Variants in DOCK7 observed in about 807,000 individuals in gnomAD.
DOCK7 encodes dedicator of cytokinesis protein 7.
A neutral mutation model predicts 271.0 loss-of-function variants in DOCK7; 138 were observed. The observed-to-expected ratio is 0.51, with a 90% CI of 0.44 to 0.59. The LOEUF (loss-of-function observed/expected upper bound fraction) is 0.59, where lower values mean the gene tolerates loss of function less well. Ranked by LOEUF, DOCK7 falls within the 20% of genes least tolerant of loss-of-function variation. The probability of loss-of-function intolerance (pLI) is 0.00; values close to 1 mark genes in which losing one functional copy is unlikely to be tolerated. For missense variants in DOCK7, 2,066 were observed against 2,592.4 expected, an observed-to-expected ratio of 0.80 and a Z score of 4.41; for synonymous variants, 823 against 876.1, an observed-to-expected ratio of 0.94 and a Z score of 1.07.
At chr1:62,650,868 A>G (rs1571903561) in intron 4 of DOCK7, among the ~76,000 whole-genome samples, 1 of 152,224 alleles carries the variant, frequency 6.6e-6, no homozygotes, top group Non-Finnish European at 1.5e-5. Context: ...TAGTTCAACC[A>G]CTGTGGAAGA....
intron 2 of DOCK7, among the ~76,000 whole-genome samples, chr1:62,661,074 G>A (rs1658604835): frequency 6.8e-6 from 1 of 147,112 alleles, no homozygotes; most frequent in Non-Finnish European, 1.5e-5. Context: ...ACTCAGCCTC[G>A]ATGATAAAGC....
At chr1:62,642,529 C>T (rs1208444384) in intron 7 of DOCK7, among the ~76,000 whole-genome samples, 3 of 152,074 alleles carry the variant, frequency 2.0e-5, no homozygotes, top group Non-Finnish European at 2.9e-5. Context: ...TTAATGGTTA[C>T]TCAAGAACTT....
At chr1:62,472,096 T>G (rs892871493) in intron 48 of DOCK7, among the ~76,000 whole-genome samples, 5 of 151,590 alleles carry the variant, frequency 3.3e-5, no homozygotes, top group African/African-American at 1.2e-4. Context: ...TGTTATTTCG[T>G]TTTTTTTGTT....
In DOCK7 at chr1:62,636,603, C is replaced by T. The variant is rs775993247; in HGVS notation, c.819G>A (p.Lys273=). 1 of 1,591,012 alleles carries T rather than the reference C, an allele frequency of 6.3e-7. No homozygotes were observed. The highest frequency in any genetic ancestry group is 2.3e-5 in the East Asian group (1 of 44,348). Reference sequence around the variant, plus strand: ...AAATGGGTTCAATTTCAATTTCAAACCTTTATGAAGAAAAAGGATAAAATA... The same window carrying T: ...AAATGGGTTCAATTTCAATTTCAAATCTTTATGAAGAAAAAGGATAAAATA... ...QRLLVKCLSL[K]FEIEIEPIFA... The change falls in exon 8 of 50, where the codon AAG becomes AAA. Residue 273 remains lysine, a splice_region_variant and synonymous_variant. Coordinates refer to ENST00000635253, the MANE Select transcript of DOCK7 (RefSeq NM_001367561.1).
At chr1:62,485,273 G>A (rs1015997968) in intron 43 of DOCK7, 11 of 985,174 alleles carry the variant, frequency 1.1e-5, no homozygotes, top group East Asian at 2.3e-4. Flanking sequence ...CATGACTCCC[G>A]AAAGGTTCAT....
At chr1:62,482,947 T>C (rs1325002901) in intron 43 of DOCK7, 1 of 152,128 alleles carries the variant, frequency 6.6e-6, no homozygotes, top group Non-Finnish European at 1.5e-5. Flanking sequence ...CCATTTTATG[T>C]CCCAGTCCGA....
At chr1:62,585,502 T>C (rs930325092) in intron 15 of DOCK7, among the ~76,000 whole-genome samples, 8 of 152,152 alleles carry the variant, frequency 5.3e-5, no homozygotes, top group Non-Finnish European at 1.0e-4. Flanking sequence ...TTGCATTTAT[T>C]AGTGTCCCAC....
intron 18 of DOCK7, among the ~76,000 whole-genome samples, chr1:62,571,777 T>C (rs1373979324): frequency 6.6e-6 from 1 of 152,136 alleles, no homozygotes; most frequent in Non-Finnish European, 1.5e-5. Flanking sequence ...CTGGAAGCCA[T>C]TATCCTGAAC....
chr1:62,674,314 C>A (rs947677779), intron 1 of DOCK7, among the ~76,000 whole-genome samples: 1 of 152,132 alleles, frequency 6.6e-6, no homozygotes, highest in African/African-American at 2.4e-5. Flanking sequence ...AATAGACCCC[C>A]CCCACCAACC....
chr1:62,594,411 C>A (rs769034917), intron 14 of DOCK7, among the ~76,000 whole-genome samples: 2 of 151,922 alleles, frequency 1.3e-5, no homozygotes, highest in Non-Finnish European at 2.9e-5. Context: ...ATACTAGAAA[C>A]CAAGACTACG....
chr1:62,477,910 T>A, intron 43 of DOCK7, 85 bp from the exon 44 acceptor site: 1 of 1,404,648 alleles, frequency 7.1e-7, no homozygotes, highest in South Asian at 1.8e-5. Context: ...TGTTACAGCA[T>A]AAAATTTCCA....
intron 37 of DOCK7, among the ~76,000 whole-genome samples, chr1:62,500,380 TGAA>T (rs1646746840): frequency 6.6e-6 from 1 of 151,418 alleles, no homozygotes; most frequent in African/African-American, 2.4e-5. Flanking sequence ...AAAACAGAAA[TGAA>T]GATGAAATTT....
intron 16 of DOCK7, among the ~76,000 whole-genome samples, chr1:62,580,704 G>A (rs1364994519): frequency 6.6e-6 from 1 of 151,968 alleles, no homozygotes; most frequent in Non-Finnish European, 1.5e-5. Flanking sequence ...CAAAAACTAG[G>A]CAACAGCAGG....
chr1:62,532,207 G>A (rs1296403788), intron 29 of DOCK7, among the ~76,000 whole-genome samples: 1 of 151,960 alleles, frequency 6.6e-6, no homozygotes, highest in African/African-American at 2.4e-5. Context: ...AGTAATTTTT[G>A]TATTTTTAGT....
chr1:62,506,562 C>T (rs2149324770), intron 35 of DOCK7, among the ~76,000 whole-genome samples: 1 of 152,000 alleles, frequency 6.6e-6, no homozygotes, highest in East Asian at 2.0e-4. Context: ...CCTCCGCCTC[C>T]TGGCTTCAAG....
intron 1 of DOCK7, among the ~76,000 whole-genome samples, chr1:62,682,142 T>A (rs1213320530): frequency 6.6e-6 from 1 of 151,618 alleles, no homozygotes; most frequent in African/African-American, 2.4e-5. Context: ...GAGGACAATA[T>A]GTAAACTAGA....
intron 14 of DOCK7, among the ~76,000 whole-genome samples, chr1:62,611,861 C>T (rs1557800592): frequency 6.6e-6 from 1 of 151,850 alleles, no homozygotes; most frequent in Non-Finnish European, 1.5e-5. Flanking sequence ...AAGTCCTTAT[C>T]TGGCCAGGCA....
At chr1:62,579,059 T>G (rs1571625389) in intron 16 of DOCK7, 93 bp from the exon 17 acceptor site, 2 of 1,232,044 alleles carry the variant, frequency 1.6e-6, no homozygotes, top group East Asian at 6.0e-5. Context: ...AATTTTAAGA[T>G]TCATGTTTAA....
In DOCK7 at chr1:62,581,179, A is replaced by G. The variant is rs1412592173; in HGVS notation, c.1871+2005T>C. 2.0e-5 allele frequency among the ~76,000 whole-genome samples: 3 copies of G among 152,208 alleles called. No individual in the cohort carries two copies. In the East Asian group the frequency reaches 5.8e-4, roughly 29 times the overall value. ...GTTTGAGATCAGGGAATTGTAACTTAGGAGGTAATATTTGATATGGACCTT... is the reference window on the plus strand; with the variant it reads ...GTTTGAGATCAGGGAATTGTAACTTGGGAGGTAATATTTGATATGGACCTT... On this transcript the variant is annotated intron_variant, in intron 16 of 49. Coordinates refer to ENST00000635253, the MANE Select transcript of DOCK7 (RefSeq NM_001367561.1).
Sources: allele counts gnomAD v4.1 joint callset (sites outside exome capture counted in the v4.1 genomes callset), GRCh38; gene constraint gnomAD v4.1.1; transcripts MANE v1.5; gene names NCBI Gene and HGNC (gene_info 2026-07-23, HGNC 2026-07-21).